The following DHRSX variants were observed in gnomAD, a reference collection of about 807,000 sequenced individuals.
DHRSX encodes polyprenol dehydrogenase.
Under a neutral mutation model 34.0 loss-of-function variants are expected in DHRSX, and 31 were observed. That is an observed-to-expected ratio of 0.91 (90% confidence interval 0.69 to 1.23). The LOEUF (loss-of-function observed/expected upper bound fraction) is 1.23. Ranked by LOEUF, DHRSX falls within the 50% of genes most tolerant of loss-of-function variation. The pLI, the probability that DHRSX is intolerant of heterozygous loss-of-function variation, is 0.00. For synonymous variants in DHRSX, 201 were observed against 183.8 expected (o/e 1.09, Z -0.76); for missense variants, 414 against 428.1 (o/e 0.97, Z 0.29).
chrX:2,408,831 A>C lies in DHRSX; in HGVS notation c.218-18T>G. On this transcript the variant is annotated intron_variant, in intron 2 of 6. Coordinates refer to ENST00000334651, the MANE Select transcript of DHRSX (RefSeq NM_145177.3). ...ATTTCCAGCTAAAAGGAAAAAGAAAAAAAAGATACGGTGACTTGTAGGATT... is the reference window on the plus strand; with the variant it reads ...ATTTCCAGCTAAAAGGAAAAAGAAACAAAAGATACGGTGACTTGTAGGATT... 1 of 1,599,510 alleles carries C rather than the reference A, an allele frequency of 6.3e-7. No individual in the cohort carries two copies. The highest frequency in any genetic ancestry group is 8.5e-7 in the Non-Finnish European group (1 of 1,172,416).
At chrX:2,389,956 T>G (rs2043315650) in intron 3 of DHRSX, among the ~76,000 whole-genome samples, 1 of 151,802 alleles carries the variant, frequency 6.6e-6, no homozygotes, top group Non-Finnish European at 1.5e-5. Context: ...AGTTTTTGTA[T>G]TTTTAGTAGA....
In DHRSX at chrX:2,351,780, C is replaced by T. The variant is rs780096673; in HGVS notation, c.286+56965G>A. The stretch of plus-strand genomic sequence containing the variant: ...TGTCGCCCAGGCTGGAGTGCAGTGG[C>T]GCAATCCCAACTCACTGCAACCTCC... On this transcript the variant is annotated intron_variant, in intron 3 of 6. Coordinates refer to ENST00000334651, the MANE Select transcript of DHRSX (RefSeq NM_145177.3). 2.7e-4 allele frequency among the ~76,000 whole-genome samples: 41 copies of T among 152,298 alleles called. 1 individual carries two copies. Among genetic ancestry groups the T allele is most frequent in the Admixed American group, 2.2e-3 (33 of 15,292 alleles).
chrX:2,467,480 A>G (rs957937046), intron 1 of DHRSX, among the ~76,000 whole-genome samples: 2 of 152,158 alleles, frequency 1.3e-5, no homozygotes, highest in African/African-American at 4.8e-5. Flanking sequence ...ACAGGACTGT[A>G]ACAGGGACAA....
intron 3 of DHRSX, among the ~76,000 whole-genome samples, chrX:2,377,348 C>T (rs997316122): frequency 3.3e-5 from 5 of 151,580 alleles, no homozygotes; most frequent in African/African-American, 7.3e-5. Flanking sequence ...TGGTCCCATC[C>T]GGGGGGTGAT....
Position 2,468,302 on chromosome X carries a change from AG to A in DHRSX, c.109+32514del, listed in dbSNP as rs377641794. The stretch of plus-strand genomic sequence containing the variant: ...AGAAGGATGTGGACCGGGCAGGGGA[AG>A]GAATGAATGCGGTCAGGACGCTGGC... On this transcript the variant is annotated intron_variant, in intron 1 of 6. Transcript: ENST00000334651. Among the ~76,000 whole-genome samples the A allele has an allele frequency of 4.4e-3, 670 of 152,222 alleles. 4 individuals carry two copies. The highest frequency in any genetic ancestry group is 0.015 in the African/African-American group (643 of 41,518).
At chrX:2,231,130 A>G (rs1411011489) in intron 6 of DHRSX, among the ~76,000 whole-genome samples, 4 of 152,264 alleles carry the variant, frequency 2.6e-5, no homozygotes, top group African/African-American at 9.6e-5. Context: ...TCAAGGGAAG[A>G]AGTTTCCCAT....
intron 3 of DHRSX, among the ~76,000 whole-genome samples, chrX:2,328,489 G>A (rs1319044245): frequency 6.6e-6 from 1 of 151,120 alleles, no homozygotes. Context: ...ATCAATGTCT[G>A]TTGTTTATAA....
intron 1 of DHRSX, among the ~76,000 whole-genome samples, chrX:2,461,873 A>G (rs1459113201): frequency 5.3e-5 from 8 of 152,078 alleles, no homozygotes; most frequent in South Asian, 2.1e-4. Flanking sequence ...TTTTTAGTAG[A>G]GATGAGGTTT....
chrX:2,378,437 C>T (rs1476610709), intron 3 of DHRSX, among the ~76,000 whole-genome samples: 1 of 152,110 alleles, frequency 6.6e-6, no homozygotes, highest in Non-Finnish European at 1.5e-5. Flanking sequence ...ACCCGAGACA[C>T]CCCCTTCTCT....
rs184320602 is a variant in DHRSX at position 2,438,077 on chromosome X, C to T, written c.110-12773G>A. 9.0e-3 allele frequency among the ~76,000 whole-genome samples: 1,312 copies of T among 146,480 alleles called. 8 individuals are homozygous for T. Among genetic ancestry groups the T allele is most frequent in the Non-Finnish European group, 0.013 (887 of 66,452 alleles). On this transcript the variant is annotated intron_variant, in intron 1 of 6. Transcript: ENST00000334651. ...CTGTAATCCCAGCACTTTGGGAGGC[C>T]GAGGCAGGAGAATCGCTTGAACCCG...
intron 1 of DHRSX, among the ~76,000 whole-genome samples, chrX:2,463,885 A>T (rs1214952232): frequency 1.3e-5 from 2 of 152,212 alleles, no homozygotes; most frequent in Non-Finnish European, 2.9e-5. Context: ...GCCACCGAGT[A>T]CGAACTGAAG....
At chrX:2,449,059 G>T (rs1195457094) in intron 1 of DHRSX, among the ~76,000 whole-genome samples, 1 of 151,920 alleles carries the variant, frequency 6.6e-6, no homozygotes, top group African/African-American at 2.4e-5. Flanking sequence ...TGTGGTGGCG[G>T]GCGCCTGTAA....
chrX:2,264,970 G>C (rs975457977), intron 5 of DHRSX, among the ~76,000 whole-genome samples: 2 of 131,860 alleles, frequency 1.5e-5, no homozygotes, highest in Non-Finnish European at 3.2e-5. Context: ...CAGAGCACCT[G>C]TGCCCAGCAG....
At chrX:2,461,086 T>C (rs887637145) in intron 1 of DHRSX, among the ~76,000 whole-genome samples, 2 of 152,146 alleles carry the variant, frequency 1.3e-5, no homozygotes, top group South Asian at 2.1e-4. Context: ...AATTTAGACA[T>C]GTAAGAAGCA....
intron 3 of DHRSX, among the ~76,000 whole-genome samples, chrX:2,386,272 G>A (rs1301444847): frequency 1.3e-5 from 2 of 152,054 alleles, no homozygotes; most frequent in African/African-American, 4.8e-5. Flanking sequence ...AGGCTAGAGT[G>A]CAGTGGCATG....
At chrX:2,325,178 T>A (rs1412981885) in intron 3 of DHRSX, among the ~76,000 whole-genome samples, 1 of 151,976 alleles carries the variant, frequency 6.6e-6, no homozygotes, top group Admixed American at 6.6e-5. Context: ...CTTGTACGGG[T>A]GAATGTCGGG....
chrX:2,429,335 T>G (rs2043888475), intron 1 of DHRSX, among the ~76,000 whole-genome samples: 1 of 152,164 alleles, frequency 6.6e-6, no homozygotes, highest in South Asian at 2.1e-4. Flanking sequence ...TGTGTCTGTG[T>G]GTGTACATAC....
intron 1 of DHRSX, among the ~76,000 whole-genome samples, chrX:2,480,966 C>T (rs2044759858): frequency 6.6e-6 from 1 of 151,442 alleles, no homozygotes; most frequent in South Asian, 2.1e-4. Context: ...ATTCTCACCA[C>T]AAAAAAAAGT....
intron 3 of DHRSX, among the ~76,000 whole-genome samples, chrX:2,392,883 A>C (rs1208610004): frequency 7.2e-6 from 1 of 138,862 alleles, no homozygotes; most frequent in Non-Finnish European, 1.5e-5. Flanking sequence ...TATACACAAA[A>C]TGTATTGTGC....
Sources: gnomAD v4.1 joint callset for allele counts (sites outside exome capture counted in the v4.1 genomes callset) on GRCh38, gnomAD v4.1.1 for gene constraint, MANE v1.5 for transcripts, NCBI Gene and HGNC (gene_info 2026-07-23, HGNC 2026-07-21) for gene names.